Variants in SMPD3 observed in about 807,000 individuals in gnomAD.
The protein encoded by SMPD3 is sphingomyelin phosphodiesterase 3, also known as nSMase-2.
A neutral mutation model predicts 55.7 loss-of-function variants in SMPD3; 21 were observed. The ratio of observed to expected loss-of-function variants is 0.38; its 90% CI spans 0.27 to 0.54. The LOEUF (loss-of-function observed/expected upper bound fraction) is 0.54. SMPD3 is among the 20% of genes least tolerant of loss of function. The pLI is 0.80. For missense variants in SMPD3, 842 were observed against 899.6 expected, an observed-to-expected ratio of 0.94 and a Z score of 0.82; for synonymous variants, 457 against 404.3, an observed-to-expected ratio of 1.13 and a Z score of -1.56.
intron 2 of SMPD3, among the ~76,000 whole-genome samples, chr16:68,383,849 C>T (rs1267093257): frequency 6.6e-6 from 1 of 152,186 alleles, no homozygotes; most frequent in African/African-American, 2.4e-5. Context: ...GGACCTCTTC[C>T]ATACCCTGTC....
intron 3 of SMPD3, chr16:68,368,153 A>C (rs1041397131): frequency 1.2e-4 from 18 of 152,446 alleles, no homozygotes; most frequent in Non-Finnish European, 2.3e-4. Flanking sequence ...TGGACAGACA[A>C]GACCCTGGGC....
At chr16:68,370,744 C>T (rs747825507) in intron 3 of SMPD3, 115 bp downstream of exon 3, 13 of 1,397,968 alleles carry the variant, frequency 9.3e-6, no homozygotes, top group Middle Eastern at 2.4e-4. Context: ...GCCTCCCACT[C>T]CAACCTCCCA....
intron 1 of SMPD3, among the ~76,000 whole-genome samples, chr16:68,397,242 C>T (rs985972604): frequency 2.0e-5 from 3 of 152,208 alleles, no homozygotes; most frequent in African/African-American, 7.2e-5. Context: ...TCTTGCTAGC[C>T]ACCACCCTTC....
intron 1 of SMPD3, among the ~76,000 whole-genome samples, chr16:68,392,303 G>A (rs2090118385): frequency 6.6e-6 from 1 of 152,112 alleles, no homozygotes; most frequent in Non-Finnish European, 1.5e-5. Flanking sequence ...TAAAATGTTA[G>A]TAGTTATTAT....
chr16:68,427,157 T>C (rs2090442617), intron 1 of SMPD3, among the ~76,000 whole-genome samples: 1 of 152,010 alleles, frequency 6.6e-6, no homozygotes, highest in Non-Finnish European at 1.5e-5. Context: ...CCACCATGCC[T>C]GGCTAACTTT....
chr16:68,363,378 T>G, intron 7 of SMPD3, 118 bp downstream of exon 7: 3 of 1,133,882 alleles, frequency 2.6e-6, no homozygotes, highest in Non-Finnish European at 3.9e-6. Flanking sequence ...GACAGGTTTC[T>G]GCCAAATAAA....
chr16:68,419,820 G>T (rs974247913), intron 1 of SMPD3, among the ~76,000 whole-genome samples: 1 of 152,116 alleles, frequency 6.6e-6, no homozygotes, highest in African/African-American at 2.4e-5. Context: ...ATCAGAGAGT[G>T]GGGGAGAGAA....
chr16:68,365,189 C>G, intron 3 of SMPD3, 97 bp from the exon 4 acceptor site: 1 of 1,253,236 alleles, frequency 8.0e-7, no homozygotes, highest in Middle Eastern at 2.3e-4. Flanking sequence ...AGGTCAGACC[C>G]TCACAAGCCT....
At chr16:68,441,634 G>T (rs1383014201) in intron 1 of SMPD3, among the ~76,000 whole-genome samples, 2 of 151,570 alleles carry the variant, frequency 1.3e-5, no homozygotes, top group Non-Finnish European at 2.9e-5. Context: ...TATACTTATA[G>T]CACATCTTAA....
chr16:68,361,691 T>C lies in SMPD3; in HGVS notation c.1778A>G (p.Lys593Arg). ...GCCCTTCAGCAGCTCCTTCCGCCCC[T>C]TCTGGCCCGAGCTCTTGCTGGTGGG... ...AFPTSKSSGQ[K>R]GRKELLKGNG... The change falls in exon 8 of 9, where the codon AAG (lysine) becomes AGG (arginine). Residue 593 changes from lysine (K) to arginine (R), a missense_variant. Around this residue, in one of 2 missense-constraint regions of SMPD3, gnomAD observed 649 missense variants for 643.6 expected, o/e 1.01. Transcript: ENST00000219334. The C allele has an allele frequency of 6.2e-7, 1 of 1,612,996 alleles. No homozygotes were observed. The highest frequency in any genetic ancestry group is 8.5e-7 in the Non-Finnish European group (1 of 1,179,960).
At chr16:68,429,692 T>C (rs1368738600) in intron 1 of SMPD3, among the ~76,000 whole-genome samples, 2 of 152,186 alleles carry the variant, frequency 1.3e-5, no homozygotes, top group Non-Finnish European at 2.9e-5. Context: ...GCAATGAGTA[T>C]GAGCCCTTTG....
intron 3 of SMPD3, chr16:68,368,038 CGGCTGGGCCTGTCCCCAA>C (rs887088311): frequency 2.0e-5 from 3 of 152,268 alleles, no homozygotes; most frequent in African/African-American, 7.2e-5. Flanking sequence ...GGCCCCTCTC[CGGCTGGGCCTGTCCCCAA>C]GGCAGCCCCA....
At chr16:68,384,571 G>A (rs2090015421) in intron 2 of SMPD3, among the ~76,000 whole-genome samples, 1 of 152,126 alleles carries the variant, frequency 6.6e-6, no homozygotes, top group Non-Finnish European at 1.5e-5. Context: ...AAGGAGGGAC[G>A]GCCTTGTGTG....
intron 2 of SMPD3, among the ~76,000 whole-genome samples, chr16:68,377,038 T>C (rs13334137): frequency 0.042 from 6,442 of 152,242 alleles, 434 homozygotes; most frequent in African/African-American, 0.14. Flanking sequence ...CTGTTTGCTC[T>C]CCCCAGCCTG....
chr16:68,417,250 C>T lies in SMPD3; in HGVS notation c.-268-30591G>A, dbSNP rs1247120796. Among the ~76,000 whole-genome samples, 3 of 152,210 alleles carry T rather than the reference C, an allele frequency of 2.0e-5. No individual in the cohort carries two copies. In the East Asian group the frequency reaches 5.8e-4, roughly 29 times the overall value. On this transcript the variant is annotated intron_variant, in intron 1 of 8. Transcript: ENST00000219334. ...GAACTGCTGAGGTCTCATTTGCACCCACAGTCTGGGTCTGTTTCTCCATCT... is the reference window on the plus strand; with the variant it reads ...GAACTGCTGAGGTCTCATTTGCACCTACAGTCTGGGTCTGTTTCTCCATCT...
At chr16:68,425,280 C>A (rs552387222) in intron 1 of SMPD3, among the ~76,000 whole-genome samples, 2 of 152,134 alleles carry the variant, frequency 1.3e-5, no homozygotes, top group African/African-American at 4.8e-5. Context: ...GGAGGTGCAC[C>A]GAAGTCAAGG....
At position 68,372,346 on chromosome 16, in the gene SMPD3, ATGG is replaced by A. The variant is rs2089693959; in HGVS notation, c.-168_-166del. ...AATGGCGAATGTTGGCCAGCCGGTCATGGTTCACCTCGGTGGGCCATGCGGAGG... is the reference window on the plus strand; with the variant it reads ...AATGGCGAATGTTGGCCAGCCGGTCATTCACCTCGGTGGGCCATGCGGAGG... On this transcript the variant is annotated 5_prime_UTR_variant, in exon 3 of 9. The change creates a new upstream start codon in the 5' untranslated region. Transcript: ENST00000219334. The A allele has an allele frequency of 1.1e-6, 1 of 908,790 alleles. No individual in the cohort carries two copies. Among genetic ancestry groups the A allele is most frequent in the Non-Finnish European group, 1.7e-6 (1 of 596,936 alleles). 56.3% of individuals were successfully genotyped at this position (908,790 alleles called of 1,614,324 possible).
At chr16:68,377,886 A>G (rs964560149) in intron 2 of SMPD3, among the ~76,000 whole-genome samples, 1 of 152,220 alleles carries the variant, frequency 6.6e-6, no homozygotes, top group Non-Finnish European at 1.5e-5. Context: ...TTCTGCTGGT[A>G]AGGCAAGCCC....
intron 7 of SMPD3, 71 bp from the exon 8 acceptor site, chr16:68,361,830 G>C: frequency 6.7e-7 from 1 of 1,487,162 alleles, no homozygotes; most frequent in East Asian, 2.6e-5. Flanking sequence ...GCTGTGTGTG[G>C]AGCCATGGTC....
Sources: gnomAD v4.1 joint callset for allele counts (sites outside exome capture counted in the v4.1 genomes callset) on GRCh38, gnomAD v4.1.1 for gene constraint, gnomAD v4.1.1 regional missense constraint, MANE v1.5 for transcripts, NCBI Gene and HGNC (gene_info 2026-07-23, HGNC 2026-07-21) for gene names.